RAB31: variants seen among roughly 807,000 people sequenced by gnomAD.
RAB31 encodes RAB31, member RAS oncogene family, also known as ras-related protein Rab-31.
A neutral mutation model predicts 25.6 loss-of-function variants in RAB31; 21 were observed. The ratio of observed to expected loss-of-function variants is 0.82; its 90% CI spans 0.58 to 1.18. RAB31 has a LOEUF of 1.18. Among genes scored for constraint, RAB31 ranks in the 50% most tolerant of loss-of-function variants. The probability of loss-of-function intolerance (pLI) is 0.00; values close to 1 mark genes in which losing one functional copy is unlikely to be tolerated. For missense variants in RAB31, 196 were observed against 250.1 expected, an observed-to-expected ratio of 0.78 and a Z score of 1.46; for synonymous variants, 87 against 84.0, an observed-to-expected ratio of 1.04 and a Z score of -0.20.
rs1365741555 is a variant in RAB31, at chr18:9,766,556, C to T, written c.40-8722C>T. ...TAACCATGCAGACTTCTGCCTGTTT[C>T]TCTCTTTATGTTATTTCTTTATGCC... On this transcript the variant is annotated intron_variant, in intron 1 of 6. Transcript: ENST00000578921. The surrounding 1 kb of genome is among the most constrained non-coding windows in gnomAD (Gnocchi z 4.3). Among the ~76,000 whole-genome samples the T allele has an allele frequency of 6.6e-6, 1 of 152,212 alleles. No individual in the cohort carries two copies. Among genetic ancestry groups the T allele is most frequent in the African/African-American group, 2.4e-5 (1 of 41,464 alleles).
intron 1 of RAB31, among the ~76,000 whole-genome samples, chr18:9,752,823 A>G (rs2145479366): frequency 6.6e-6 from 1 of 152,354 alleles, no homozygotes; most frequent in East Asian, 1.9e-4. Context: ...GGAGACTTTT[A>G]CTTTATGGAA....
At chr18:9,829,133 A>G (rs1171981472) in intron 5 of RAB31, among the ~76,000 whole-genome samples, 2 of 152,174 alleles carry the variant, frequency 1.3e-5, no homozygotes, top group Non-Finnish European at 2.9e-5. Flanking sequence ...GTGGTAATAA[A>G]ATGAACAGCC....
chr18:9,710,683 T>A (rs1000715446), intron 1 of RAB31, among the ~76,000 whole-genome samples: 1 of 151,914 alleles, frequency 6.6e-6, no homozygotes, highest in Non-Finnish European at 1.5e-5. Flanking sequence ...TCAAACCCCG[T>A]CTCTATTAAA....
intron 5 of RAB31, chr18:9,844,776 C>T (rs982196377): frequency 6.6e-6 from 1 of 152,352 alleles, no homozygotes; most frequent in African/African-American, 2.4e-5. Flanking sequence ...CAAGTACTAG[C>T]CAGGCCTGAC....
chr18:9,713,659 T>C (rs2068029067), intron 1 of RAB31, among the ~76,000 whole-genome samples: 1 of 152,168 alleles, frequency 6.6e-6, no homozygotes, highest in African/African-American at 2.4e-5. Flanking sequence ...TTTTCAAGCT[T>C]CTCATGGTCC....
chr18:9,826,183 C>A (rs1255208175), intron 5 of RAB31, among the ~76,000 whole-genome samples: 3 of 138,808 alleles, frequency 2.2e-5, no homozygotes, highest in Non-Finnish European at 4.7e-5. Context: ...TCAAGACCAG[C>A]CTGGCCAACA....
chr18:9,712,431 C>T (rs80253522), intron 1 of RAB31, among the ~76,000 whole-genome samples: 1,716 of 152,356 alleles, frequency 0.011, 15 homozygotes, highest in Non-Finnish European at 0.018. Flanking sequence ...GGCAGGACCC[C>T]ATGAGTTTCC....
Position 9,772,027 on chromosome 18 carries a change from G to A in RAB31, c.40-3251G>A, listed in dbSNP as rs569450837. On this transcript the variant is annotated intron_variant, in intron 1 of 6. Coordinates refer to ENST00000578921, the MANE Select transcript of RAB31 (RefSeq NM_006868.4). ...GTTGACGCTTGAGCCCTTTGTAGAG[G>A]ATGATGAGTAAAGCTGAACATTGAG... is the stretch of plus-strand genomic sequence containing the variant. 2.0e-5 allele frequency among the ~76,000 whole-genome samples: 3 copies of A among 152,314 alleles called. No homozygotes were observed. In the South Asian group the frequency reaches 6.2e-4, roughly 32 times the overall value.
intron 1 of RAB31, among the ~76,000 whole-genome samples, chr18:9,729,763 A>G (rs1471260031): frequency 1.3e-5 from 2 of 151,238 alleles, no homozygotes; most frequent in East Asian, 1.9e-4. Flanking sequence ...TGAGATTTCC[A>G]TGTGTATGTG....
intron 3 of RAB31, among the ~76,000 whole-genome samples, chr18:9,811,974 G>A (rs1056886502): frequency 6.6e-6 from 1 of 152,158 alleles, no homozygotes; most frequent in African/African-American, 2.4e-5. Context: ...TTACCATTTG[G>A]GAGCTGGGAA....
At chr18:9,761,718 C>T (rs1599028183) in intron 1 of RAB31, among the ~76,000 whole-genome samples, 3 of 152,316 alleles carry the variant, frequency 2.0e-5, no homozygotes, top group South Asian at 4.1e-4. Flanking sequence ...TGCCTTGCGT[C>T]CTCTTCATGC....
intron 1 of RAB31, among the ~76,000 whole-genome samples, chr18:9,726,518 T>G (rs959384778): frequency 7.2e-5 from 11 of 151,988 alleles, no homozygotes; most frequent in African/African-American, 2.7e-4. Flanking sequence ...GCATGTAATA[T>G]TCAAGATATT....
intron 1 of RAB31, among the ~76,000 whole-genome samples, chr18:9,760,933 T>C (rs552634692): frequency 2.6e-5 from 4 of 152,238 alleles, no homozygotes; most frequent in Admixed American, 2.0e-4. Flanking sequence ...GCTGTTTTAA[T>C]GGCTACTCAA....
At chr18:9,713,004 C>G (rs1024204861) in intron 1 of RAB31, among the ~76,000 whole-genome samples, 1 of 152,136 alleles carries the variant, frequency 6.6e-6, no homozygotes, top group African/African-American at 2.4e-5. Context: ...GGGTACTTCA[C>G]CTATGTCCAG....
chr18:9,797,629 A>G (rs955354425), intron 3 of RAB31: 3 of 152,214 alleles, frequency 2.0e-5, no homozygotes, highest in African/African-American at 7.2e-5. Context: ...ATTTTGATTG[A>G]AAAATCACAC....
chr18:9,795,808 T>C (rs1319689094), intron 3 of RAB31, among the ~76,000 whole-genome samples: 1 of 152,224 alleles, frequency 6.6e-6, no homozygotes, highest in African/African-American at 2.4e-5. Flanking sequence ...GTATAACCAC[T>C]GTGGAAAACA....
chr18:9,856,352 A>G (rs903757593), intron 6 of RAB31: 1 of 152,234 alleles, frequency 6.6e-6, no homozygotes, highest in Non-Finnish European at 1.5e-5. Context: ...AAAGCGGGGA[A>G]AGGTGTGGAC....
intron 1 of RAB31, among the ~76,000 whole-genome samples, chr18:9,719,298 A>AAAAAATAT (rs1568161256): frequency 1.3e-4 from 3 of 23,104 alleles, no homozygotes; most frequent in African/African-American, 2.5e-4. Flanking sequence ...AAAAAAAAAA[A>AAAAAATAT]ATATATATAT....
At chr18:9,825,769 T>G (rs570323259) in intron 5 of RAB31, among the ~76,000 whole-genome samples, 1 of 152,304 alleles carries the variant, frequency 6.6e-6, no homozygotes, top group African/African-American at 2.4e-5. Context: ...TCCTGGAGAA[T>G]GAAAACAATG....
Sources: allele counts gnomAD v4.1 joint callset (sites outside exome capture counted in the v4.1 genomes callset), GRCh38; gene constraint gnomAD v4.1.1; non-coding constraint Gnocchi (gnomAD v3.1); transcripts MANE v1.5; gene names NCBI Gene and HGNC (gene_info 2026-07-23, HGNC 2026-07-21).